The following TBC1D8 variants were observed in gnomAD, a reference collection of about 807,000 sequenced individuals.
TBC1D8 encodes the protein TBC1 domain family member 8.
In TBC1D8, 65 loss-of-function variants were observed where a neutral mutation model predicts 118.8. That is an observed-to-expected ratio of 0.55 (90% CI 0.45 to 0.67). The LOEUF (loss-of-function observed/expected upper bound fraction) is 0.67. Among genes scored for constraint, TBC1D8 ranks in the 30% least tolerant of loss-of-function variants. The probability of loss-of-function intolerance (pLI) is 0.00; values close to 1 mark genes in which losing one functional copy is unlikely to be tolerated. For missense variants in TBC1D8, 1,376 were observed against 1,471.2 expected, an observed-to-expected ratio of 0.94 and a Z score of 1.06; for synonymous variants, 566 against 595.8, an observed-to-expected ratio of 0.95 and a Z score of 0.73.
intron 1 of TBC1D8, among the ~76,000 whole-genome samples, chr2:101,097,549 CT>C (rs888630949): frequency 5.5e-4 from 71 of 129,230 alleles, no homozygotes; most frequent in African/African-American, 2.0e-3. Context: ...TGGAAATACT[CT>C]GTTATTTAAA....
At chr2:101,031,066 C>T (rs531394285) in intron 11 of TBC1D8, among the ~76,000 whole-genome samples, 3 of 152,324 alleles carry the variant, frequency 2.0e-5, no homozygotes, top group East Asian at 3.9e-4. Context: ...CACACAGGCA[C>T]GGGCACTCTC....
At chr2:101,111,635 A>G (rs901757039) in intron 1 of TBC1D8, among the ~76,000 whole-genome samples, 1 of 152,226 alleles carries the variant, frequency 6.6e-6, no homozygotes, top group African/African-American at 2.4e-5. Context: ...AGAGAGGACA[A>G]TGGGTGTGGC....
chr2:101,151,143 C>A lies in TBC1D8; in HGVS notation c.111G>T (p.Gly37=), dbSNP rs756101710. The A allele has an allele frequency of 4.2e-6, 5 of 1,188,918 alleles. No homozygotes were observed. In the South Asian group the frequency reaches 1.1e-4, roughly 26 times the overall value. The allele number at this position is 1,188,918 out of a possible 1,614,324, so 73.6% of individuals were successfully genotyped here. A position where few individuals can be genotyped will look rare whatever the true frequency, so the allele number is the denominator to read the frequency against. ...GCCCCTTACCGGTGAGGCGGCCGCC[C>A]CCCTCGCCGTGCCCGCGGCGCCGCT... ...ILQRRRGHGE[G]GGRLTGRLVG... The change falls in exon 1 of 20, where the codon GGG becomes GGT. Residue 37 remains glycine (G), a synonymous_variant. Coordinates refer to ENST00000409318, the MANE Select transcript of TBC1D8 (RefSeq NM_001330348.2).
intron 1 of TBC1D8, among the ~76,000 whole-genome samples, chr2:101,104,218 G>A (rs1343718450): frequency 6.8e-6 from 1 of 147,960 alleles, no homozygotes; most frequent in Admixed American, 6.7e-5. Flanking sequence ...GAAATCAAAG[G>A]AGATCTAAAT....
At chr2:101,015,360 C>T (rs1433364242) in intron 17 of TBC1D8, among the ~76,000 whole-genome samples, 2 of 152,196 alleles carry the variant, frequency 1.3e-5, no homozygotes, top group Non-Finnish European at 2.9e-5. Flanking sequence ...TAGGACATTA[C>T]TGCACACTGC....
intron 1 of TBC1D8, among the ~76,000 whole-genome samples, chr2:101,147,290 T>C (rs181385635): frequency 6.6e-6 from 1 of 152,318 alleles, no homozygotes; most frequent in African/African-American, 2.4e-5. Flanking sequence ...AACGCAGGTA[T>C]CTCTTCAACA....
At chr2:101,066,345 A>T (rs993016994) in intron 2 of TBC1D8, among the ~76,000 whole-genome samples, 3 of 152,148 alleles carry the variant, frequency 2.0e-5, no homozygotes, top group East Asian at 1.9e-4. Context: ...TGGTAGAAGA[A>T]GGTACAGGCC....
chr2:101,042,047 A>T (rs887564722), intron 5 of TBC1D8, among the ~76,000 whole-genome samples: 1 of 152,068 alleles, frequency 6.6e-6, no homozygotes, highest in African/African-American at 2.4e-5. Context: ...GTTGAGATGC[A>T]TATCTGACAC....
chr2:101,048,637 C>A (rs1681854877), intron 5 of TBC1D8, among the ~76,000 whole-genome samples: 1 of 145,412 alleles, frequency 6.9e-6, no homozygotes, highest in South Asian at 2.3e-4. Context: ...ACATCAAACC[C>A]TCAGCATGCT....
chr2:101,021,575 C>CA, intron 17 of TBC1D8, 106 bp downstream of exon 17: 2 of 792,384 alleles, frequency 2.5e-6, no homozygotes, highest in South Asian at 3.6e-5. Context: ...CCTGTTGCCT[C>CA]AAGCATAAGT....
chr2:101,014,753 T>C (rs1679489027), intron 17 of TBC1D8, among the ~76,000 whole-genome samples: 1 of 152,212 alleles, frequency 6.6e-6, no homozygotes. Context: ...TACAGAGTTA[T>C]CTTCAGTATT....
rs906290079 is a variant in TBC1D8, at chr2:101,107,444, GA to G, written c.128-17081del. Among the ~76,000 whole-genome samples the G allele has an allele frequency of 1.8e-3, 259 of 146,362 alleles. 4 individuals carry two copies. In the East Asian group the frequency reaches 0.024, roughly 14 times the overall value. On this transcript the variant is annotated intron_variant, in intron 1 of 19. Transcript: ENST00000409318. ...ATCCAATTGGCTGAGGGCCCAGACAGAAAAAAAAAAGGCAGAGGAAGATATA... is the reference window on the plus strand; with the variant it reads ...ATCCAATTGGCTGAGGGCCCAGACAGAAAAAAAAAGGCAGAGGAAGATATA...
intron 17 of TBC1D8, chr2:101,019,579 T>A (rs1041886623): frequency 1.3e-5 from 2 of 152,734 alleles, no homozygotes; most frequent in Non-Finnish European, 2.9e-5. Flanking sequence ...TAATACATCA[T>A]ATCTTAATTT....
At chr2:101,049,525 A>C (rs979020319) in intron 5 of TBC1D8, among the ~76,000 whole-genome samples, 3 of 152,006 alleles carry the variant, frequency 2.0e-5, no homozygotes, top group African/African-American at 7.2e-5. Flanking sequence ...TCAGGAGTTC[A>C]AGACCAGCCT....
intron 1 of TBC1D8, chr2:101,109,948 C>T (rs928984892): frequency 2.7e-5 from 27 of 985,360 alleles, no homozygotes; most frequent in South Asian, 9.4e-5. Context: ...GCCGCCACCT[C>T]GTGCATCCTG....
chr2:101,027,740 A>C (rs1680419128), intron 14 of TBC1D8, among the ~76,000 whole-genome samples: 1 of 152,222 alleles, frequency 6.6e-6, no homozygotes, highest in Admixed American at 6.5e-5. Flanking sequence ...GAGCCTTCTG[A>C]GCGCCAGCTA....
At chr2:101,145,971 A>G (rs972371981) in intron 1 of TBC1D8, among the ~76,000 whole-genome samples, 2 of 152,186 alleles carry the variant, frequency 1.3e-5, no homozygotes, top group Non-Finnish European at 2.9e-5. Flanking sequence ...AGAAGCCATT[A>G]TTCAGTTTTT....
Position 101,008,052 on chromosome 2 carries a change from C to A in TBC1D8, c.3237G>T (p.Gly1079=). ...SPEDSVFADT[G]KTPQDSQAFP... is the part of the protein sequence containing the mutation. The stretch of plus-strand genomic sequence containing the variant: ...ATGCCTGGGAGTCCTGGGGCGTCTT[C>A]CCAGTGTCTGCAAAAACCGAGTCCT... Residue 1079 remains glycine (G), a synonymous_variant, in exon 20 of 20, where the codon GGG becomes GGT. Transcript: ENST00000409318. The A allele has an allele frequency of 6.2e-7, 1 of 1,613,940 alleles. No homozygotes were observed. The highest frequency in any genetic ancestry group is 1.1e-5 in the South Asian group (1 of 91,070).
At chr2:101,150,854 G>A (rs1452266522) in intron 1 of TBC1D8, among the ~76,000 whole-genome samples, 1 of 152,126 alleles carries the variant, frequency 6.6e-6, no homozygotes, top group Admixed American at 6.5e-5. Flanking sequence ...TTCCCAAGTC[G>A]AGTCCGGCCT....
Sources: gnomAD v4.1 joint callset for allele counts (sites outside exome capture counted in the v4.1 genomes callset) on GRCh38, gnomAD v4.1.1 for gene constraint, MANE v1.5 for transcripts, NCBI Gene and HGNC (gene_info 2026-07-23, HGNC 2026-07-21) for gene names.